The following PRKCE variants were observed in gnomAD, a reference collection of about 807,000 sequenced individuals.
PRKCE encodes protein kinase C epsilon.
PRKCE carries 16 observed loss-of-function variants against 85.4 expected under a neutral mutation model. The observed-to-expected ratio is 0.19, with a 90% CI of 0.13 to 0.28. The LOEUF is 0.28. Ranked by LOEUF, PRKCE falls within the 10% of genes least tolerant of loss-of-function variation. The probability of loss-of-function intolerance (pLI) is 1.00; values close to 1 mark genes in which losing one functional copy is unlikely to be tolerated. For synonymous variants in PRKCE, 388 were observed against 371.5 expected (o/e 1.04, Z -0.51); for missense variants, 573 against 975.2 (o/e 0.59, Z 5.49).
At chr2:46,168,432 GA>G (rs761991880) in intron 14 of PRKCE, among the ~76,000 whole-genome samples, 4 of 152,222 alleles carry the variant, frequency 2.6e-5, no homozygotes, top group Admixed American at 6.5e-5. Flanking sequence ...AGAAAGCTGG[GA>G]GGGATCAGGA....
intron 1 of PRKCE, among the ~76,000 whole-genome samples, chr2:45,814,920 G>C (rs1688922169): frequency 6.6e-6 from 1 of 152,162 alleles, no homozygotes; most frequent in South Asian, 2.1e-4. Flanking sequence ...GTGGCAATGT[G>C]ACTTCTCCAA....
chr2:46,000,032 G>A (rs373430417), intron 6 of PRKCE, among the ~76,000 whole-genome samples: 2 of 152,212 alleles, frequency 1.3e-5, no homozygotes, highest in South Asian at 2.1e-4. Flanking sequence ...AGAACCCTTA[G>A]CATATTAATC....
intron 1 of PRKCE, among the ~76,000 whole-genome samples, chr2:45,717,243 A>G (rs936826521): frequency 3.0e-4 from 46 of 152,230 alleles, no homozygotes; most frequent in African/African-American, 1.1e-3. Context: ...CACCCACAGT[A>G]CAGCTTCTGT....
intron 10 of PRKCE, among the ~76,000 whole-genome samples, chr2:46,070,525 C>T (rs1317436639): frequency 6.6e-6 from 1 of 152,130 alleles, no homozygotes; most frequent in Non-Finnish European, 1.5e-5. Context: ...CACCTGTAGT[C>T]CCAGCTTTTC....
intron 2 of PRKCE, among the ~76,000 whole-genome samples, chr2:45,924,880 C>T (rs1361450838): frequency 6.6e-6 from 1 of 152,180 alleles, no homozygotes; most frequent in African/African-American, 2.4e-5. Context: ...AAAGCCAGGC[C>T]TGGGCTTGCA....
rs1484842074 is a variant in PRKCE at position 46,162,608 on chromosome 2, T to C, written c.2067+2856T>C. On this transcript the variant is annotated intron_variant, in intron 14 of 14. Transcript: ENST00000306156. Reference sequence around the variant, plus strand: ...TTGAATTCAGTTGGGAGGAGAGAATTAGAACATCTGGAAAAAGGAAGGCTA... The same window carrying C: ...TTGAATTCAGTTGGGAGGAGAGAATCAGAACATCTGGAAAAAGGAAGGCTA... 1.1e-4 allele frequency among the ~76,000 whole-genome samples: 16 copies of C among 152,246 alleles called. 1 individual carries two copies. In the South Asian group the frequency reaches 3.1e-3, roughly 30 times the overall value.
intron 1 of PRKCE, among the ~76,000 whole-genome samples, chr2:45,782,192 A>G (rs1686242529): frequency 6.6e-6 from 1 of 152,196 alleles, no homozygotes; most frequent in African/African-American, 2.4e-5. Context: ...ACTCCAAGCT[A>G]TCAGTGCTTT....
chr2:45,903,646 T>C (rs530484670), intron 2 of PRKCE, among the ~76,000 whole-genome samples: 82 of 152,348 alleles, frequency 5.4e-4, no homozygotes, highest in African/African-American at 1.9e-3. Flanking sequence ...TGTATTTTTA[T>C]CTCCTGTCTG....
intron 11 of PRKCE, among the ~76,000 whole-genome samples, chr2:46,091,732 A>C (rs1430921036): frequency 6.6e-6 from 1 of 152,218 alleles, no homozygotes; most frequent in Non-Finnish European, 1.5e-5. Flanking sequence ...CACCTGCCAC[A>C]GAGTAAGTAC....
chr2:45,963,214 G>A (rs546015393), intron 2 of PRKCE, among the ~76,000 whole-genome samples: 3 of 152,188 alleles, frequency 2.0e-5, no homozygotes, highest in Non-Finnish European at 4.4e-5. Context: ...ATTGTGTTAT[G>A]TAAAATGAGT....
At chr2:45,661,862 A>G (rs1675678461) in intron 1 of PRKCE, among the ~76,000 whole-genome samples, 1 of 152,120 alleles carries the variant, frequency 6.6e-6, no homozygotes, top group African/African-American at 2.4e-5. Context: ...AAAAATCATG[A>G]TGAGTGAATC....
At chr2:46,012,305 CTT>C (rs111284355) in intron 10 of PRKCE, among the ~76,000 whole-genome samples, 1 of 146,376 alleles carries the variant, frequency 6.8e-6, no homozygotes, top group Admixed American at 6.8e-5. Context: ...TTTTCTTTTC[CTT>C]TTTTTTTTTC....
At position 46,155,562 on chromosome 2, in the gene PRKCE, A is replaced by G. The variant is rs1677113149; in HGVS notation, c.1921-4044A>G. ...GGCCTGTGTTTCCAGTTCCCTACTC[A>G]CTTTCTCCCTTCAGCTGGCCAGGGG... is the stretch of plus-strand genomic sequence containing the variant. On this transcript the variant is annotated intron_variant, in intron 13 of 14. Coordinates refer to ENST00000306156, the MANE Select transcript of PRKCE (RefSeq NM_005400.3). This position sits in a 1 kb window ranked among gnomAD's most constrained non-coding sequence, Gnocchi z 4.7. Among the ~76,000 whole-genome samples, 1 of 151,960 alleles carries G rather than the reference A, an allele frequency of 6.6e-6. No individual in the cohort carries two copies. Among genetic ancestry groups the G allele is most frequent in the Non-Finnish European group, 1.5e-5 (1 of 67,998 alleles).
chr2:46,003,985 TTC>T (rs1306329726), intron 7 of PRKCE: 1 of 157,200 alleles, frequency 6.4e-6, no homozygotes, highest in African/African-American at 2.4e-5. Flanking sequence ...GCATTTGCCC[TTC>T]TCTTTTCCTA....
In PRKCE at chr2:45,729,714, T is replaced by C. The variant is rs559715883; in HGVS notation, c.348+77266T>C. ...TTTTTTAAGTTTGAGCAGAAAATAT[T>C]CCAAGGGACATTGGTAGTGTAATGG... is the stretch of plus-strand genomic sequence containing the variant. On this transcript the variant is annotated intron_variant, in intron 1 of 14. Coordinates refer to ENST00000306156, the MANE Select transcript of PRKCE (RefSeq NM_005400.3). Among the ~76,000 whole-genome samples, 5 of 152,320 alleles carry C rather than the reference T, an allele frequency of 3.3e-5. No individual in the cohort carries two copies. The East Asian group carries it at 9.6e-4, about 29-fold the overall frequency.
intron 10 of PRKCE, among the ~76,000 whole-genome samples, chr2:46,062,430 G>T (rs1667234027): frequency 6.6e-6 from 1 of 152,120 alleles, no homozygotes; most frequent in African/African-American, 2.4e-5. Flanking sequence ...AGGAAGCCAT[G>T]AGAAGCCCAG....
chr2:46,182,325 C>T (rs1243707670), intron 14 of PRKCE, among the ~76,000 whole-genome samples: 1 of 152,170 alleles, frequency 6.6e-6, no homozygotes, highest in Non-Finnish European at 1.5e-5. Flanking sequence ...CGCCACCCTC[C>T]CGCGTCAGTG....
intron 2 of PRKCE, among the ~76,000 whole-genome samples, chr2:45,889,248 G>A (rs1455324193): frequency 1.3e-5 from 2 of 152,130 alleles, no homozygotes; most frequent in African/African-American, 4.8e-5. Flanking sequence ...GTGGTACCAC[G>A]TGAAATGTAT....
At chr2:46,059,512 T>G (rs1558405924) in intron 10 of PRKCE, among the ~76,000 whole-genome samples, 2 of 152,234 alleles carry the variant, frequency 1.3e-5, no homozygotes, top group Non-Finnish European at 2.9e-5. Context: ...CAGTAGTCTC[T>G]TTCCAGAATC....
Sources: gnomAD v4.1 joint callset for allele counts (sites outside exome capture counted in the v4.1 genomes callset) on GRCh38, gnomAD v4.1.1 for gene constraint, Gnocchi (gnomAD v3.1) non-coding constraint, MANE v1.5 for transcripts, NCBI Gene and HGNC (gene_info 2026-07-23, HGNC 2026-07-21) for gene names.